Variants in CNTNAP5 observed in about 807,000 individuals in gnomAD.
CNTNAP5 encodes the protein contactin associated protein family member 5, also known as contactin-associated protein-like 5.
Under a neutral mutation model 150.2 loss-of-function variants are expected in CNTNAP5, and 72 were observed. The observed-to-expected ratio is 0.48, with a 90% CI of 0.40 to 0.58. The LOEUF (loss-of-function observed/expected upper bound fraction) is 0.58. Among genes scored for constraint, CNTNAP5 ranks in the 20% least tolerant of loss-of-function variants. The pLI, the probability that CNTNAP5 is intolerant of heterozygous loss-of-function variation, is 0.00. For synonymous variants in CNTNAP5, 672 were observed against 619.8 expected (o/e 1.08, Z -1.25); for missense variants, 1,636 against 1,626.2 (o/e 1.01, Z -0.10).
rs200860980 is a variant in CNTNAP5 at position 124,227,879 on chromosome 2, G to GAT, written c.187+6080_187+6081dup. Among the ~76,000 whole-genome samples, 447 of 150,754 alleles carry GAT rather than the reference G, an allele frequency of 3.0e-3. 1 individual carries two copies. The highest frequency in any genetic ancestry group is 0.01 in the African/African-American group (416 of 40,896). ...TTCTCCAGAGAAACAGAACCAACGG[G>GAT]ATATATATATACACATACACATACA... On this transcript the variant is annotated intron_variant, in intron 2 of 23. Coordinates refer to ENST00000682447, the MANE Select transcript of CNTNAP5 (RefSeq NM_001367498.1).
At chr2:124,558,432 T>TTTGGTTTGGGTACACAAAGTTTGG (rs11273535) in intron 10 of CNTNAP5, among the ~76,000 whole-genome samples, 1 of 151,912 alleles carries the variant, frequency 6.6e-6, no homozygotes, top group African/African-American at 2.4e-5. Flanking sequence ...GATTGGAAAG[T>TTTGGTTTGGGTACACAAAGTTTGG]AATATCTATT....
chr2:124,781,914 C>A (rs1269578588), intron 17 of CNTNAP5, among the ~76,000 whole-genome samples: 3 of 152,142 alleles, frequency 2.0e-5, no homozygotes, highest in Non-Finnish European at 2.9e-5. Context: ...GAGGTTGTTG[C>A]CCTGAAGGGC....
intron 1 of CNTNAP5, among the ~76,000 whole-genome samples, chr2:124,144,114 T>C (rs1201852051): frequency 8.7e-6 from 1 of 115,222 alleles, no homozygotes; most frequent in Admixed American, 9.7e-5. Flanking sequence ...CAAGGAGAAC[T>C]ACAAACCACT....
At chr2:124,400,673 T>TTTG (rs1691390136) in intron 3 of CNTNAP5, among the ~76,000 whole-genome samples, 1 of 90,212 alleles carries the variant, frequency 1.1e-5, no homozygotes, top group Non-Finnish European at 2.9e-5. Flanking sequence ...GGCATTGTTT[T>TTTG]TTTTTTTTTT....
At chr2:124,312,449 C>T (rs1334962479) in intron 3 of CNTNAP5, among the ~76,000 whole-genome samples, 2 of 152,082 alleles carry the variant, frequency 1.3e-5, no homozygotes, top group East Asian at 3.9e-4. Context: ...CACTCCCCAC[C>T]CGCCCCCCGG....
intron 7 of CNTNAP5, among the ~76,000 whole-genome samples, chr2:124,483,921 T>G (rs1558922092): frequency 6.6e-6 from 1 of 152,236 alleles, no homozygotes; most frequent in Non-Finnish European, 1.5e-5. Flanking sequence ...ACAGCCACCC[T>G]TCCCCTTTTT....
chr2:124,160,761 C>T (rs546802006), intron 1 of CNTNAP5, among the ~76,000 whole-genome samples: 4 of 152,224 alleles, frequency 2.6e-5, no homozygotes, highest in African/African-American at 9.6e-5. Context: ...CAAGCAAACC[C>T]TGTGTTAAAT....
In CNTNAP5 at chr2:124,364,376, G is replaced by A. The variant is rs138422918; in HGVS notation, c.382-53067G>A. Among the ~76,000 whole-genome samples, 786 of 152,164 alleles carry A rather than the reference G, an allele frequency of 5.2e-3. 12 individuals are homozygous for A. The highest frequency in any genetic ancestry group is 0.018 in the African/African-American group (756 of 41,504). On this transcript the variant is annotated intron_variant, in intron 3 of 23. Transcript: ENST00000682447. The stretch of plus-strand genomic sequence containing the variant: ...ATGAACCTCTTTAACGTTGCAACCT[G>A]CCTCACTTCTGTCACCTCAGCAATT...
intron 21 of CNTNAP5, among the ~76,000 whole-genome samples, chr2:124,892,903 C>T (rs1678228218): frequency 6.6e-6 from 1 of 152,062 alleles, no homozygotes; most frequent in Non-Finnish European, 1.5e-5. Context: ...TGAAGAAGAG[C>T]ACAGTAAGCG....
At chr2:124,299,331 C>G (rs898408329) in intron 3 of CNTNAP5, among the ~76,000 whole-genome samples, 1 of 152,118 alleles carries the variant, frequency 6.6e-6, no homozygotes, top group African/African-American at 2.4e-5. Context: ...CTGATCCTCT[C>G]CCTCCTCCCA....
intron 1 of CNTNAP5, among the ~76,000 whole-genome samples, chr2:124,047,676 C>G (rs1009760243): frequency 2.6e-5 from 4 of 152,210 alleles, no homozygotes; most frequent in African/African-American, 9.7e-5. Flanking sequence ...TTCTCTGTGT[C>G]CCTGGTGCAT....
intron 3 of CNTNAP5, among the ~76,000 whole-genome samples, chr2:124,292,814 CA>C (rs1255915805): frequency 6.6e-6 from 1 of 152,038 alleles, no homozygotes; most frequent in African/African-American, 2.4e-5. Context: ...CATCTAAAGA[CA>C]GAATAAATAA....
In CNTNAP5 at chr2:124,451,029, TAAAAAAAA is replaced by T. The variant is rs1156744323; in HGVS notation, c.918+4108_918+4115del. ...GGTAGCAGAATAGGACCATGTCTCT[TAAAAAAAA>T]AAAAAAAAAAAAAAATATATATATA... On this transcript the variant is annotated intron_variant, in intron 6 of 23. Coordinates refer to ENST00000682447, the MANE Select transcript of CNTNAP5 (RefSeq NM_001367498.1). 5.6e-3 allele frequency among the ~76,000 whole-genome samples: 113 copies of T among 20,060 alleles called. 1 individual carries two copies. The highest frequency in any genetic ancestry group is 0.014 in the Admixed American group (14 of 968). 13.2% of individuals were successfully genotyped at this position (20,060 alleles called of 152,430 possible). A position where few individuals can be genotyped will look rare whatever the true frequency, so the allele number is the denominator to read the frequency against.
intron 13 of CNTNAP5, among the ~76,000 whole-genome samples, chr2:124,733,364 G>A (rs560942988): frequency 6.6e-6 from 1 of 152,130 alleles, no homozygotes; most frequent in African/African-American, 2.4e-5. Flanking sequence ...CAATTGAGAA[G>A]AGGAAATGCT....
rs1196181213 is a variant in CNTNAP5, at chr2:124,564,372, A to T, written c.1756+1049A>T. ...TATTTATTTATTTATTTATTTTTTG[A>T]GAGAGAGAGTTTTGCTCTTGTTGCC... is the stretch of plus-strand genomic sequence containing the variant. On this transcript the variant is annotated intron_variant, in intron 11 of 23. Transcript: ENST00000682447. Among the ~76,000 whole-genome samples the T allele has an allele frequency of 3.9e-5, 6 of 152,044 alleles. No homozygotes were observed. In the East Asian group the frequency reaches 1.2e-3, roughly 29 times the overall value.
At chr2:124,517,781 G>A (rs1447005334) in intron 8 of CNTNAP5, among the ~76,000 whole-genome samples, 1 of 151,114 alleles carries the variant, frequency 6.6e-6, no homozygotes, top group Non-Finnish European at 1.5e-5. Flanking sequence ...AGTGATGGAA[G>A]GTTGTGTTGT....
chr2:124,484,429 C>T (rs1215830524), intron 7 of CNTNAP5, among the ~76,000 whole-genome samples: 1 of 152,088 alleles, frequency 6.6e-6, no homozygotes, highest in African/African-American at 2.4e-5. Flanking sequence ...AAGATTAAAT[C>T]CCAGCCTTAC....
intron 18 of CNTNAP5, among the ~76,000 whole-genome samples, chr2:124,793,059 G>C (rs1681770208): frequency 6.6e-6 from 1 of 152,200 alleles, no homozygotes; most frequent in Non-Finnish European, 1.5e-5. Flanking sequence ...CTAGAAGTGA[G>C]ATTGTTGTGT....
intron 1 of CNTNAP5, among the ~76,000 whole-genome samples, chr2:124,217,491 G>A (rs981185300): frequency 6.6e-6 from 1 of 152,090 alleles, no homozygotes; most frequent in African/African-American, 2.4e-5. Context: ...CCATGTGCTT[G>A]GGGTAGTACT....
Sources: allele counts gnomAD v4.1 joint callset (sites outside exome capture counted in the v4.1 genomes callset), GRCh38; gene constraint gnomAD v4.1.1; transcripts MANE v1.5; gene names NCBI Gene and HGNC (gene_info 2026-07-23, HGNC 2026-07-21).